Variants in GRIN2B observed in about 807,000 individuals in gnomAD.
The protein encoded by GRIN2B is glutamate ionotropic receptor NMDA type subunit 2B.
Under a neutral mutation model 114.5 loss-of-function variants are expected in GRIN2B, and 5 were observed. The ratio of observed to expected loss-of-function variants is 0.04; its 90% confidence interval spans 0.02 to 0.09. GRIN2B has a LOEUF of 0.09. Among genes scored for constraint, GRIN2B ranks in the 10% least tolerant of loss-of-function variants. The pLI, the probability that GRIN2B is intolerant of heterozygous loss-of-function variation, is 1.00. For missense variants in GRIN2B, 1,108 were observed against 1,943.5 expected, an observed-to-expected ratio of 0.57 and a Z score of 8.08; for synonymous variants, 787 against 745.1, an observed-to-expected ratio of 1.06 and a Z score of -0.92.
At chr12:13,583,950 C>T (rs1000462202) in intron 10 of GRIN2B, among the ~76,000 whole-genome samples, 18 of 151,934 alleles carry the variant, frequency 1.2e-4, no homozygotes, top group Admixed American at 7.9e-4. Flanking sequence ...AGAGAAGGGA[C>T]GTTTACTGGA....
At chr12:13,894,885 C>G (rs558020901) in intron 2 of GRIN2B, among the ~76,000 whole-genome samples, 2 of 152,268 alleles carry the variant, frequency 1.3e-5, no homozygotes, top group South Asian at 4.1e-4. Context: ...GTGCCTAAAT[C>G]TGTCTAGGGT....
At chr12:13,704,223 T>C (rs946783409) in intron 4 of GRIN2B, among the ~76,000 whole-genome samples, 19 of 152,014 alleles carry the variant, frequency 1.2e-4, no homozygotes, top group African/African-American at 4.1e-4. Context: ...GTAGGATGCA[T>C]GAGGAGGACT....
intron 4 of GRIN2B, among the ~76,000 whole-genome samples, chr12:13,742,025 G>A (rs1863296502): frequency 6.6e-6 from 1 of 152,126 alleles, no homozygotes; most frequent in South Asian, 2.1e-4. Context: ...TTGATTATAG[G>A]AAGCATTTTA....
intron 3 of GRIN2B, among the ~76,000 whole-genome samples, chr12:13,851,776 T>C (rs1396989892): frequency 6.6e-6 from 1 of 152,212 alleles, no homozygotes; most frequent in Non-Finnish European, 1.5e-5. Flanking sequence ...GAATTTACAA[T>C]ATTTGCTTTG....
chr12:13,597,553 C>G (rs1393912179), intron 10 of GRIN2B, among the ~76,000 whole-genome samples: 1 of 152,222 alleles, frequency 6.6e-6, no homozygotes, highest in Non-Finnish European at 1.5e-5. Context: ...TAGTTAGCCA[C>G]AGACCAAATC....
intron 4 of GRIN2B, among the ~76,000 whole-genome samples, chr12:13,681,156 G>A (rs1950128347): frequency 6.6e-6 from 1 of 152,100 alleles, no homozygotes; most frequent in Admixed American, 6.6e-5. Flanking sequence ...AACAGCCCTA[G>A]AACTACAGTA....
At chr12:13,718,359 A>T (rs531648003) in intron 4 of GRIN2B, among the ~76,000 whole-genome samples, 2 of 152,148 alleles carry the variant, frequency 1.3e-5, no homozygotes, top group African/African-American at 4.8e-5. Flanking sequence ...AACCAGGAGT[A>T]TTTAAGGAGA....
At position 13,563,790 on chromosome 12, in the gene GRIN2B, C is replaced by G. The variant is rs1391690057; in HGVS notation, c.3448G>C (p.Asp1150His). 6.2e-7 allele frequency: 1 copy of G among 1,614,130 alleles called. No individual in the cohort carries two copies. Among genetic ancestry groups the G allele is most frequent in the Admixed American group, 1.7e-5 (1 of 60,030 alleles). Residue 1150 changes from aspartate (D) to histidine (H), a missense_variant, in exon 14 of 14, where the codon GAC becomes CAC. Around this residue, in one of 19 missense-constraint regions of GRIN2B, gnomAD observed 478 missense variants for 506.0 expected, o/e 0.94. Coordinates refer to ENST00000609686, the MANE Select transcript of GRIN2B (RefSeq NM_000834.5). ...KENSPHWEHVDLTDIYKERSD... is the reference protein window; with the variant it reads ...KENSPHWEHVHLTDIYKERSD... ...CGCTCCTTGTAGATGTCGGTCAGGTCTACGTGCTCCCAGTGGGGTGAGTTC... is the reference window on the plus strand; with the variant it reads ...CGCTCCTTGTAGATGTCGGTCAGGTGTACGTGCTCCCAGTGGGGTGAGTTC...
chr12:13,684,826 G>C (rs566954165), intron 4 of GRIN2B, among the ~76,000 whole-genome samples: 2 of 152,280 alleles, frequency 1.3e-5, no homozygotes, highest in South Asian at 2.1e-4. Flanking sequence ...CAGATCAAAG[G>C]CTAGCTGATC....
chr12:13,626,802 T>TC (rs1949572281), intron 5 of GRIN2B, among the ~76,000 whole-genome samples: 1 of 4,776 alleles, frequency 2.1e-4, no homozygotes, highest in African/African-American at 4.3e-4. Context: ...TCTGACTCAC[T>TC]CTCCCCCCCT....
At chr12:13,613,525 T>C (rs1949393735) in intron 8 of GRIN2B, among the ~76,000 whole-genome samples, 1 of 152,164 alleles carries the variant, frequency 6.6e-6, no homozygotes, top group African/African-American at 2.4e-5. Context: ...TTTTTCATTG[T>C]ATTACATTGC....
At chr12:13,873,979 A>T (rs1170258194) in intron 2 of GRIN2B, among the ~76,000 whole-genome samples, 1 of 152,228 alleles carries the variant, frequency 6.6e-6, no homozygotes, top group African/African-American at 2.4e-5. Flanking sequence ...GGGAAAAGAC[A>T]TAGGCTTTGA....
chr12:13,645,059 C>T (rs972282914), intron 5 of GRIN2B, among the ~76,000 whole-genome samples: 2 of 152,102 alleles, frequency 1.3e-5, no homozygotes, highest in African/African-American at 4.8e-5. Flanking sequence ...TTTTCATTCA[C>T]AACTTGGCTA....
chr12:13,915,466 G>A (rs947413890), intron 2 of GRIN2B, among the ~76,000 whole-genome samples: 6 of 152,068 alleles, frequency 3.9e-5, no homozygotes, highest in African/African-American at 1.5e-4. Context: ...TCTGCTCCTG[G>A]CCATTCAGGA....
chr12:13,787,977 G>A (rs1004380859), intron 3 of GRIN2B, among the ~76,000 whole-genome samples: 1 of 152,158 alleles, frequency 6.6e-6, no homozygotes, highest in African/African-American at 2.4e-5. Context: ...ATTCTTCATA[G>A]CAGCCCCACG....
chr12:13,596,711 C>T (rs1460708134), intron 10 of GRIN2B, among the ~76,000 whole-genome samples: 1 of 152,160 alleles, frequency 6.6e-6, no homozygotes, highest in Non-Finnish European at 1.5e-5. Flanking sequence ...ATAAGTGGTT[C>T]TTAAATGTGC....
At chr12:13,736,792 G>A (rs1863191659) in intron 4 of GRIN2B, among the ~76,000 whole-genome samples, 1 of 152,044 alleles carries the variant, frequency 6.6e-6, no homozygotes, top group Admixed American at 6.6e-5. Flanking sequence ...GGCCAAGGCG[G>A]GTGGATCACC....
chr12:13,710,751 T>G (rs1950406275), intron 4 of GRIN2B, among the ~76,000 whole-genome samples: 1 of 152,114 alleles, frequency 6.6e-6, no homozygotes, highest in South Asian at 2.1e-4. Flanking sequence ...GGAAGAACAT[T>G]CCATGCTCAT....
At chr12:13,632,665 AGAGAG>A (rs1209573630) in intron 5 of GRIN2B, among the ~76,000 whole-genome samples, 2 of 152,168 alleles carry the variant, frequency 1.3e-5, no homozygotes, top group Non-Finnish European at 2.9e-5. Flanking sequence ...ATGTATGTGG[AGAGAG>A]GTAAGGGCAA....
Sources: allele counts gnomAD v4.1 joint callset (sites outside exome capture counted in the v4.1 genomes callset), GRCh38; gene constraint gnomAD v4.1.1; regional missense constraint gnomAD v4.1.1; transcripts MANE v1.5; gene names NCBI Gene and HGNC (gene_info 2026-07-23, HGNC 2026-07-21).